The following KNDC1 variants were observed in gnomAD, a reference collection of about 807,000 sequenced individuals.
KNDC1 encodes kinase non-catalytic C-lobe domain-containing protein 1.
A neutral mutation model predicts 172.8 loss-of-function variants in KNDC1; 106 were observed. The ratio of observed to expected loss-of-function variants is 0.61; its 90% confidence interval spans 0.52 to 0.72. KNDC1 has a LOEUF of 0.72. KNDC1 is among the 30% of genes least tolerant of loss of function. The probability of loss-of-function intolerance (pLI) is 0.00; values close to 1 mark genes in which losing one functional copy is unlikely to be tolerated. For missense variants in KNDC1, 2,325 were observed against 2,394.5 expected (o/e 0.97, Z 0.61); for synonymous variants, 1,083 against 1,062.2 (o/e 1.02, Z -0.38).
Position 133,186,314 on chromosome 10 carries a change from G to A in KNDC1, c.966G>A (p.Leu322=). The A allele has an allele frequency of 6.2e-7, 1 of 1,612,404 alleles. No individual in the cohort carries two copies. The highest frequency in any genetic ancestry group is 8.5e-7 in the Non-Finnish European group (1 of 1,179,836). Residue 322 remains leucine (L), a synonymous_variant, in exon 6 of 30, where the codon CTG becomes CTA. Transcript: ENST00000304613. ...ACAGCCCCGAGGCCACCCTCTGCCT[G>A]CCGCTGACCCGCGGGAAAAGCCAGC... ...LSDSPEATLC[L]PLTRGKSQLP...
chr10:133,203,538 C>T (rs1044419876), intron 17 of KNDC1, among the ~76,000 whole-genome samples: 17 of 152,248 alleles, frequency 1.1e-4, no homozygotes, highest in African/African-American at 3.4e-4. Context: ...CTGGAGCAGC[C>T]GGTGGGCATT....
At chr10:133,213,540 C>A in intron 24 of KNDC1, 105 bp from the exon 25 acceptor site, 1 of 912,630 alleles carries the variant, frequency 1.1e-6, no homozygotes, top group Non-Finnish European at 1.7e-6. Context: ...CCTGGGATTG[C>A]AGAGCTGGCC....
At position 133,189,666 on chromosome 10, in the gene KNDC1, A is replaced by C; in HGVS notation, c.1510A>C (p.Asn504His). ...TGTGCTCTTCCAGCCACCCCCTGCCAACGGTGAGTGTGTGGGTTCCCCTCA... is the reference window on the plus strand; with the variant it reads ...TGTGCTCTTCCAGCCACCCCCTGCCCACGGTGAGTGTGTGGGTTCCCCTCA... Reference protein sequence around the residue: ...GAVLFQPPPANGSYDSFFLAP... With the variant: ...GAVLFQPPPAHGSYDSFFLAP... Residue 504 changes from asparagine (N) to histidine (H), a missense_variant, in exon 8 of 30, where the codon AAC (asparagine) becomes CAC (histidine). Coordinates refer to ENST00000304613, the MANE Select transcript of KNDC1 (RefSeq NM_152643.8). 1 of 1,613,934 alleles carries C rather than the reference A, an allele frequency of 6.2e-7. No individual in the cohort carries two copies. Among genetic ancestry groups the C allele is most frequent in the Admixed American group, 1.7e-5 (1 of 60,022 alleles).
chr10:133,181,861 C>CACACAG (rs33923925), intron 3 of KNDC1, among the ~76,000 whole-genome samples: 32 of 151,518 alleles, frequency 2.1e-4, no homozygotes, highest in Admixed American at 3.3e-4. Flanking sequence ...CACACACACA[C>CACACAG]CAGACTGTGG....
rs970482430 is a variant in KNDC1, at chr10:133,225,001, C to T, written c.*111C>T. Reference sequence around the variant, plus strand: ...GCCGTTATCAAGGCCCCTCCGCCCCCGAACCCTGGGGAGCTGGACCAGGAG... The same window carrying T: ...GCCGTTATCAAGGCCCCTCCGCCCCTGAACCCTGGGGAGCTGGACCAGGAG... On this transcript the variant is annotated 3_prime_UTR_variant, in exon 30 of 30. Transcript: ENST00000304613. The T allele has an allele frequency of 3.9e-5, 33 of 853,676 alleles. No homozygotes were observed. The highest frequency in any genetic ancestry group is 8.4e-5 in the African/African-American group (5 of 59,512). The allele number at this position is 853,676 out of a possible 1,614,324, so 52.9% of individuals were successfully genotyped here.
At chr10:133,162,604 G>A (rs1391393533) in intron 1 of KNDC1, among the ~76,000 whole-genome samples, 1 of 152,244 alleles carries the variant, frequency 6.6e-6, no homozygotes, top group African/African-American at 2.4e-5. Flanking sequence ...CTGAACATGT[G>A]AAAAGATGTT....
Position 133,199,620 on chromosome 10 carries a change from C to G in KNDC1, c.2903+18C>G. 1 of 1,610,762 alleles carries G rather than the reference C, an allele frequency of 6.2e-7. No individual in the cohort carries two copies. Among genetic ancestry groups the G allele is most frequent in the South Asian group, 1.1e-5 (1 of 90,862 alleles). On this transcript the variant is annotated intron_variant, in intron 15 of 29. Transcript: ENST00000304613. ...TCCCCAAGGTGGGTGCCCAGTTCGG[C>G]CCTGCATTCCCGCCCCTCCCTGATG...
Position 133,197,941 on chromosome 10 carries a change from C to T in KNDC1, c.1906+173C>T, listed in dbSNP as rs571477312. 1.4e-4 allele frequency among the ~76,000 whole-genome samples: 21 copies of T among 152,274 alleles called. No individual in the cohort carries two copies. The South Asian group carries it at 3.5e-3, about 26-fold the overall frequency. ...CCAGCCTGCCTGCCCCTGCCAGCCC[C>T]CATCTCCCAAAACTCCCAGTCGCTC... On this transcript the variant is annotated intron_variant, in intron 12 of 29. Transcript: ENST00000304613.
In KNDC1 at chr10:133,189,628, C is replaced by G; in HGVS notation, c.1472C>G (p.Ala491Gly). The stretch of plus-strand genomic sequence containing the variant: ...CTGTGTCTGGACTCCGTGCTGGTTG[C>G]TGAGGACGGGGCTGTGCTCTTCCAG... ...AYLCLDSVLVAEDGAVLFQPP... is the reference protein window; with the variant it reads ...AYLCLDSVLVGEDGAVLFQPP... The change falls in exon 8 of 30, where the codon GCT (alanine) becomes GGT (glycine). Residue 491 changes from alanine (A) to glycine (G), a missense_variant. Transcript: ENST00000304613. The G allele has an allele frequency of 6.2e-7, 1 of 1,613,796 alleles. No individual in the cohort carries two copies. Among genetic ancestry groups the G allele is most frequent in the Non-Finnish European group, 8.5e-7 (1 of 1,179,988 alleles).
chr10:133,167,061 T>C, intron 1 of KNDC1: 1 of 407,676 alleles, frequency 2.5e-6, no homozygotes, highest in Non-Finnish European at 4.6e-6. Context: ...GCCTGCGGGG[T>C]CGGGGTGCTC....
intron 1 of KNDC1, among the ~76,000 whole-genome samples, chr10:133,165,083 G>T (rs529630391): frequency 6.6e-6 from 1 of 152,200 alleles, no homozygotes; most frequent in Non-Finnish European, 1.5e-5. Flanking sequence ...CTGGGTGGCC[G>T]GGCTCAGGAC....
chr10:133,209,134 T>A lies in KNDC1; in HGVS notation c.3795-1477T>A, dbSNP rs547362098. ...GTGATGTGGAGTATTGTGTGGCGTG[T>A]GTGGTGTGTGGTTGGGTATTGCGTG... On this transcript the variant is annotated intron_variant, in intron 20 of 29. Coordinates refer to ENST00000304613, the MANE Select transcript of KNDC1 (RefSeq NM_152643.8). This position sits in a 1 kb window ranked among gnomAD's most constrained non-coding sequence, Gnocchi z 4.9. 5.3e-5 allele frequency among the ~76,000 whole-genome samples: 8 copies of A among 151,574 alleles called. No homozygotes were observed. Among genetic ancestry groups the A allele is most frequent in the African/African-American group, 1.7e-4 (7 of 41,252 alleles).
chr10:133,180,931 G>T (rs1427172880), intron 3 of KNDC1, among the ~76,000 whole-genome samples: 1 of 152,266 alleles, frequency 6.6e-6, no homozygotes, highest in Non-Finnish European at 1.5e-5. Context: ...GCAGAGACTG[G>T]CTGCGGCTGG....
chr10:133,183,264 C>A, intron 3 of KNDC1, 80 bp from the exon 4 acceptor site: 1 of 1,441,670 alleles, frequency 6.9e-7, no homozygotes. Flanking sequence ...ACTTGAGCTC[C>A]TGGCCCGGAG....
chr10:133,167,608 G>T, intron 2 of KNDC1, 29 bp downstream of exon 2: 1 of 1,553,332 alleles, frequency 6.4e-7, no homozygotes. Flanking sequence ...TGGCGGCGGC[G>T]GCGGGCACGC....
intron 3 of KNDC1, among the ~76,000 whole-genome samples, chr10:133,181,375 G>A (rs1853712185): frequency 6.6e-6 from 1 of 152,256 alleles, no homozygotes; most frequent in South Asian, 2.1e-4. Flanking sequence ...GACCCCAGGA[G>A]TTGGCAGCAG....
chr10:133,184,723 C>T (rs1229099391), intron 5 of KNDC1, among the ~76,000 whole-genome samples: 3 of 152,278 alleles, frequency 2.0e-5, no homozygotes, highest in African/African-American at 7.2e-5. Flanking sequence ...GCCTTGCAGG[C>T]ACCCACGCAG....
In KNDC1 at chr10:133,209,765, C is replaced by T. The variant is rs1192749768; in HGVS notation, c.3795-846C>T. Reference sequence around the variant, plus strand: ...CTGGGGCTGTGGCCACCTGTGTCCTCGGACCCCAGGTGAGTGGGTGACCAG... The same window carrying T: ...CTGGGGCTGTGGCCACCTGTGTCCTTGGACCCCAGGTGAGTGGGTGACCAG... On this transcript the variant is annotated intron_variant, in intron 20 of 29. Transcript: ENST00000304613. This position sits in a 1 kb window ranked among gnomAD's most constrained non-coding sequence, Gnocchi z 4.9. 1.3e-5 allele frequency among the ~76,000 whole-genome samples: 2 copies of T among 152,002 alleles called. No individual in the cohort carries two copies. The highest frequency in any genetic ancestry group is 2.9e-5 in the Non-Finnish European group (2 of 67,982).
chr10:133,160,499 T>A lies in KNDC1; in HGVS notation c.32T>A (p.Leu11His). 1 of 1,589,844 alleles carries A rather than the reference T, an allele frequency of 6.3e-7. No individual in the cohort carries two copies. Among genetic ancestry groups the A allele is most frequent in the Non-Finnish European group, 8.5e-7 (1 of 1,169,998 alleles). Reference protein sequence around the residue: MQAMDPAAADLYEEDGKDLDF... With the variant: MQAMDPAAADHYEEDGKDLDF... ...GCCATGGACCCGGCCGCGGCGGATCTTTACGAGGAGGACGGCAAAGACCTG... is the reference window on the plus strand; with the variant it reads ...GCCATGGACCCGGCCGCGGCGGATCATTACGAGGAGGACGGCAAAGACCTG... Residue 11 changes from leucine to histidine, a missense_variant, in exon 1 of 30, where the codon CTT becomes CAT. Physicochemically the swap from Leu to His is moderately conservative, Grantham distance 99. Coordinates refer to ENST00000304613, the MANE Select transcript of KNDC1 (RefSeq NM_152643.8).
Sources: gnomAD v4.1 joint callset for allele counts (sites outside exome capture counted in the v4.1 genomes callset) on GRCh38, gnomAD v4.1.1 for gene constraint, Gnocchi (gnomAD v3.1) non-coding constraint, MANE v1.5 for transcripts, NCBI Gene and HGNC (gene_info 2026-07-23, HGNC 2026-07-21) for gene names.